BEAN1: variants seen among roughly 807,000 people sequenced by gnomAD.
BEAN1 encodes the protein protein BEAN1.
A neutral mutation model predicts 17.7 loss-of-function variants in BEAN1; 17 were observed. The ratio of observed to expected loss-of-function variants is 0.96; its 90% confidence interval spans 0.66 to 1.44. The LOEUF (loss-of-function observed/expected upper bound fraction) is 1.44. Among genes scored for constraint, BEAN1 ranks in the 40% most tolerant of loss-of-function variants. The pLI, the probability that BEAN1 is intolerant of heterozygous loss-of-function variation, is 0.00. For missense variants in BEAN1, 359 were observed against 374.1 expected (o/e 0.96, Z 0.33); for synonymous variants, 142 against 151.8 (o/e 0.94, Z 0.47).
chr16:66,493,268 G>T (rs1425177430), exon 5 of BEAN1: 1 of 702,718 alleles, frequency 1.4e-6, no homozygotes, highest in African/African-American at 1.7e-5. Flanking sequence ...CCTCGAGGGG[G>T]TTCAGCCAGG....
chr16:66,460,903 G>A (rs769797194), intron 2 of BEAN1, among the ~76,000 whole-genome samples: 1 of 152,170 alleles, frequency 6.6e-6, no homozygotes, highest in Non-Finnish European at 1.5e-5. Flanking sequence ...CCTGTTAACT[G>A]GGGAATCCCA....
chr16:66,455,002 T>G lies in BEAN1; in HGVS notation c.26-14600T>G, dbSNP rs985626459. Among the ~76,000 whole-genome samples the G allele has an allele frequency of 2.0e-5, 3 of 152,170 alleles. No homozygotes were observed. The South Asian group carries it at 6.2e-4, about 31-fold the overall frequency. On this transcript the variant is annotated intron_variant, in intron 2 of 4. Transcript: ENST00000536005. Reference sequence around the variant, plus strand: ...CAGTCTTTTTCATACTAAGTGCTTCTCAGTTCGTTGTATGCCTTTGATCAA... The same window carrying G: ...CAGTCTTTTTCATACTAAGTGCTTCGCAGTTCGTTGTATGCCTTTGATCAA...
chr16:66,457,093 T>C (rs1371049351), intron 2 of BEAN1, among the ~76,000 whole-genome samples: 1 of 152,208 alleles, frequency 6.6e-6, no homozygotes, highest in Non-Finnish European at 1.5e-5. Context: ...GTGGGACCTC[T>C]TGCTTTCCCC....
chr16:66,461,218 T>A (rs1220501311), intron 2 of BEAN1, among the ~76,000 whole-genome samples: 2 of 152,158 alleles, frequency 1.3e-5, no homozygotes, highest in African/African-American at 4.8e-5. Flanking sequence ...ATTGTCATCA[T>A]GTTATTTCTC....
intron 4 of BEAN1, among the ~76,000 whole-genome samples, chr16:66,478,709 C>T (rs1963866063): frequency 6.6e-6 from 1 of 152,198 alleles, no homozygotes; most frequent in African/African-American, 2.4e-5. Flanking sequence ...GCTCTTCCCA[C>T]CAGTGGTGTC....
intron 1 of BEAN1, among the ~76,000 whole-genome samples, chr16:66,435,858 T>C (rs1384689868): frequency 2.6e-5 from 4 of 152,208 alleles, no homozygotes; most frequent in Non-Finnish European, 4.4e-5. Flanking sequence ...AAAAGTCTAA[T>C]CCTTCAGTGC....
At chr16:66,494,247 T>G (rs374435062), downstream of BEAN1, among the ~76,000 whole-genome samples, 176 of 151,768 alleles carry the variant, frequency 1.2e-3, no homozygotes, top group Admixed American at 2.8e-3. Flanking sequence ...GGGGGAAGAG[T>G]GGCCAAACCT....
rs1238660916 is a variant in BEAN1 at position 66,469,711 on chromosome 16, G to A, written c.135G>A (p.Val45=). The A allele has an allele frequency of 2.0e-6, 3 of 1,535,980 alleles. No homozygotes were observed. Among genetic ancestry groups the A allele is most frequent in the Admixed American group, 2.0e-5 (1 of 50,968 alleles). ...TGGTGGCGAGTGCCGTCATAGGTGT[G>A]GTCATCATCCTCTCCTGCATCACCA... ...PVLVASAVIG[V]VIILSCITII... Residue 45 remains valine (V), a synonymous_variant, in exon 3 of 5, where the codon GTG becomes GTA. Coordinates refer to ENST00000536005, the MANE Select transcript of BEAN1 (RefSeq NM_001178020.3).
intron 1 of BEAN1, among the ~76,000 whole-genome samples, chr16:66,432,068 C>T (rs763915044): frequency 5.3e-5 from 8 of 152,136 alleles, no homozygotes; most frequent in Non-Finnish European, 8.8e-5. Context: ...AAAAAACAAA[C>T]AAACAAAGAA....
At chr16:66,461,569 G>GACACAC (rs34246549) in intron 2 of BEAN1, among the ~76,000 whole-genome samples, 23,920 of 140,714 alleles carry the variant, frequency 0.17, 2,564 homozygotes, top group Non-Finnish European at 0.24. Flanking sequence ...GGCAGGCGCA[G>GACACAC]ACACACACAC....
At chr16:66,445,177 A>G (rs899447219) in intron 2 of BEAN1, among the ~76,000 whole-genome samples, 1 of 152,022 alleles carries the variant, frequency 6.6e-6, no homozygotes, top group Non-Finnish European at 1.5e-5. Flanking sequence ...TACAAAGACA[A>G]AAAAAGCACA....
chr16:66,473,244 C>G lies in BEAN1; in HGVS notation c.289+3379C>G, dbSNP rs917156671. ...GGTGCCAATGAATGAGGCCTCGGCT[C>G]TGTCCCTGGGGTGGGTGGGATGACT... On this transcript the variant is annotated intron_variant, in intron 3 of 4. Coordinates refer to ENST00000536005, the MANE Select transcript of BEAN1 (RefSeq NM_001178020.3). The surrounding 1 kb of genome is among the most constrained non-coding windows in gnomAD (Gnocchi z 4.5). Among the ~76,000 whole-genome samples, 1 of 152,046 alleles carries G rather than the reference C, an allele frequency of 6.6e-6. No homozygotes were observed. Among genetic ancestry groups the G allele is most frequent in the African/African-American group, 2.4e-5 (1 of 41,400 alleles).
intron 4 of BEAN1, among the ~76,000 whole-genome samples, chr16:66,490,454 T>TAAAATAAATAAAATAA (rs772932259): frequency 2.2e-5 from 1 of 45,130 alleles, no homozygotes; most frequent in Non-Finnish European, 5.7e-5. Context: ...TAAAATAAAA[T>TAAAATAAATAAAATAA]AATAAAATAA....
chr16:66,479,514 G>A (rs1449430704), intron 4 of BEAN1, among the ~76,000 whole-genome samples: 1 of 152,040 alleles, frequency 6.6e-6, no homozygotes. Context: ...GTGGGGGCAC[G>A]ACTACGAAGA....
At chr16:66,476,085 G>A (rs954808739) in intron 3 of BEAN1, among the ~76,000 whole-genome samples, 2 of 150,762 alleles carry the variant, frequency 1.3e-5, no homozygotes, top group African/African-American at 4.9e-5. Context: ...ACTCCAGCCT[G>A]GGCGACAGTG....
rs965364262 is a variant in BEAN1, at chr16:66,427,576, G to T, written c.-83+145G>T. 1 of 152,032 alleles carries T rather than the reference G, an allele frequency of 6.6e-6. No homozygotes were observed. Among genetic ancestry groups the T allele is most frequent in the African/African-American group, 2.4e-5 (1 of 41,416 alleles). 9.4% of individuals were successfully genotyped at this position (152,032 alleles called of 1,614,324 possible). A position where few individuals can be genotyped will look rare whatever the true frequency, so the allele number is the denominator to read the frequency against. Reference sequence around the variant, plus strand: ...CTCGGTGCGCGGGGCGGGCGGATGCGCGGTCCGGAACGGAACCGCAGCGCG... The same window carrying T: ...CTCGGTGCGCGGGGCGGGCGGATGCTCGGTCCGGAACGGAACCGCAGCGCG... On this transcript the variant is annotated intron_variant, in intron 1 of 4. Transcript: ENST00000536005. The surrounding 1 kb of genome is among the most constrained non-coding windows in gnomAD (Gnocchi z 4.7).
rs1035746931 is a variant in BEAN1, at chr16:66,457,665, C to A, written c.26-11937C>A. 3.9e-5 allele frequency among the ~76,000 whole-genome samples: 6 copies of A among 152,132 alleles called. No individual in the cohort carries two copies. The South Asian group carries it at 1.2e-3, about 32-fold the overall frequency. On this transcript the variant is annotated intron_variant, in intron 2 of 4. Coordinates refer to ENST00000536005, the MANE Select transcript of BEAN1 (RefSeq NM_001178020.3). ...TATGCTTAGTTCATCTTTCGAGACC[C>A]AGCCCTTCTGTGTCCTCCTCTCTGA... is the stretch of plus-strand genomic sequence containing the variant.
intron 2 of BEAN1, among the ~76,000 whole-genome samples, chr16:66,458,683 G>T (rs141899847): frequency 6.6e-6 from 1 of 152,080 alleles, no homozygotes; most frequent in East Asian, 1.9e-4. Context: ...ACAAAACCAG[G>T]TGGGCAATCT....
At chr16:66,428,405 G>T (rs572675027) in intron 1 of BEAN1, 28 of 152,370 alleles carry the variant, frequency 1.8e-4, no homozygotes, top group Admixed American at 7.2e-4. Context: ...AGCCCCTGCC[G>T]AGAGCATGCC....
Sources: gnomAD v4.1 joint callset for allele counts (sites outside exome capture counted in the v4.1 genomes callset) on GRCh38, gnomAD v4.1.1 for gene constraint, Gnocchi (gnomAD v3.1) non-coding constraint, MANE v1.5 for transcripts, NCBI Gene and HGNC (gene_info 2026-07-23, HGNC 2026-07-21) for gene names.